Variants in MMD2 observed in about 807,000 individuals in gnomAD.
The protein encoded by MMD2 is monocyte to macrophage differentiation factor 2.
MMD2 carries 30 observed loss-of-function variants against 33.5 expected under a neutral mutation model. That is an observed-to-expected ratio of 0.90 (90% CI 0.67 to 1.22). The LOEUF is 1.22. Ranked by LOEUF, MMD2 falls within the 50% of genes most tolerant of loss-of-function variation. The pLI is 0.00. For synonymous variants in MMD2, 129 were observed against 123.0 expected (o/e 1.05, Z -0.32); for missense variants, 364 against 325.4 (o/e 1.12, Z -0.91).
chr7:4,914,485 T>G (rs112761659), intron 4 of MMD2, among the ~76,000 whole-genome samples: 2 of 152,194 alleles, frequency 1.3e-5, no homozygotes, highest in Admixed American at 1.3e-4. Context: ...ATGTAAAACC[T>G]TCAATATTTA....
At position 4,940,795 on chromosome 7, in the gene MMD2, C is replaced by G. The variant is rs1583391997; in HGVS notation, c.48-15263G>C. ...TGCATCTCGTGCCAGAGGCGCGGGACTCTGGCATGATCTGCAGGAGACAGC... is the reference window on the plus strand; with the variant it reads ...TGCATCTCGTGCCAGAGGCGCGGGAGTCTGGCATGATCTGCAGGAGACAGC... On this transcript the variant is annotated intron_variant, in intron 1 of 6. Transcript: ENST00000401401. The surrounding 1 kb of genome is among the most constrained non-coding windows in gnomAD (Gnocchi z 5.0). Among the ~76,000 whole-genome samples the G allele has an allele frequency of 6.6e-6, 1 of 152,146 alleles. No homozygotes were observed. Among genetic ancestry groups the G allele is most frequent in the East Asian group, 1.9e-4 (1 of 5,170 alleles).
Position 4,907,389 on chromosome 7 carries a change from G to C in MMD2, c.*7C>G. 6.2e-7 allele frequency: 1 copy of C among 1,613,402 alleles called. No individual in the cohort carries two copies. Among genetic ancestry groups the C allele is most frequent in the Non-Finnish European group, 8.5e-7 (1 of 1,179,850 alleles). ...AAGCCCAAACGACCTCTCAAGTCTG[G>C]GTCACCTCATTTGGACACCTTGGTC... On this transcript the variant is annotated 3_prime_UTR_variant, in exon 7 of 7. Transcript: ENST00000401401.
chr7:4,914,216 A>T lies in MMD2; in HGVS notation c.365+1789T>A, dbSNP rs554345385. On this transcript the variant is annotated intron_variant, in intron 4 of 6. Transcript: ENST00000401401. ...TCTTTCATGCGTGACCATGGTGCCT[A>T]TTGTTTTTATGTCTGCATGACAACC... Among the ~76,000 whole-genome samples, 5 of 152,164 alleles carry T rather than the reference A, an allele frequency of 3.3e-5. No homozygotes were observed. The South Asian group carries it at 1.0e-3, about 32-fold the overall frequency.
At position 4,946,208 on chromosome 7, in the gene MMD2, T is replaced by C. The variant is rs1283184906; in HGVS notation, c.47+12763A>G. On this transcript the variant is annotated intron_variant, in intron 1 of 6. Transcript: ENST00000401401. This position sits in a 1 kb window ranked among gnomAD's most constrained non-coding sequence, Gnocchi z 5.0. ...ACGCGCGCACACCCACACACACGCA[T>C]GCACACACATGCACACATACACGCA... 6.8e-6 allele frequency among the ~76,000 whole-genome samples: 1 copy of C among 147,996 alleles called. No individual in the cohort carries two copies. The highest frequency in any genetic ancestry group is 1.5e-5 in the Non-Finnish European group (1 of 66,870).
chr7:4,946,086 C>T lies in MMD2; in HGVS notation c.47+12885G>A, dbSNP rs1420091699. The stretch of plus-strand genomic sequence containing the variant: ...GCACACACTCACACGCACGCACACG[C>T]ACGCACACACACGCATGCACACGCG... On this transcript the variant is annotated intron_variant, in intron 1 of 6. Coordinates refer to ENST00000401401, the MANE Select transcript of MMD2 (RefSeq NM_198403.4). The surrounding 1 kb of genome is among the most constrained non-coding windows in gnomAD (Gnocchi z 5.0). Among the ~76,000 whole-genome samples the T allele has an allele frequency of 6.6e-6, 1 of 151,768 alleles. No homozygotes were observed. Among genetic ancestry groups the T allele is most frequent in the Non-Finnish European group, 1.5e-5 (1 of 67,924 alleles).
Position 4,937,528 on chromosome 7 carries a change from T to C in MMD2, c.48-11996A>G, listed in dbSNP as rs144381051. ...CTGTTTTGTTTTTTAGAGAAAATAA[T>C]GACAGGTTCTCGCCCTGTCATTCAC... On this transcript the variant is annotated intron_variant, in intron 1 of 6. Coordinates refer to ENST00000401401, the MANE Select transcript of MMD2 (RefSeq NM_198403.4). Among the ~76,000 whole-genome samples the C allele has an allele frequency of 2.6e-5, 4 of 152,286 alleles. No individual in the cohort carries two copies. In the East Asian group the frequency reaches 7.7e-4, roughly 29 times the overall value.
At chr7:4,952,680 C>T (rs1009884341) in intron 1 of MMD2, among the ~76,000 whole-genome samples, 1 of 139,398 alleles carries the variant, frequency 7.2e-6, no homozygotes, top group Non-Finnish European at 1.5e-5. Flanking sequence ...GTTGCGTGCT[C>T]CGTATGAGAT....
intron 1 of MMD2, among the ~76,000 whole-genome samples, chr7:4,938,008 T>C (rs1785795234): frequency 8.2e-6 from 1 of 122,002 alleles, no homozygotes; most frequent in African/African-American, 3.0e-5. Flanking sequence ...CTTTCTTTTT[T>C]TTTTTTTTTT....
intron 1 of MMD2, among the ~76,000 whole-genome samples, chr7:4,948,845 C>T (rs1786162012): frequency 6.6e-6 from 1 of 152,120 alleles, no homozygotes; most frequent in Non-Finnish European, 1.5e-5. Context: ...GGTTTATAAG[C>T]CACCTAGTCT....
chr7:4,950,983 G>T (rs886952494), intron 1 of MMD2, among the ~76,000 whole-genome samples: 12 of 152,082 alleles, frequency 7.9e-5, no homozygotes, highest in African/African-American at 2.7e-4. Context: ...AAATTGCTGG[G>T]ATTACAGGCG....
chr7:4,898,995 T>TAGGA, the MMD2 span, among the ~76,000 whole-genome samples: 1 of 151,056 alleles, frequency 6.6e-6, no homozygotes, highest in Admixed American at 6.6e-5. Context: ...GGAAGGAAGC[T>TAGGA]AGGAAGGAAG....
intron 1 of MMD2, among the ~76,000 whole-genome samples, chr7:4,944,658 A>G (rs1038868291): frequency 3.3e-5 from 5 of 151,940 alleles, no homozygotes; most frequent in Admixed American, 6.6e-5. Context: ...GCAGAGAGAC[A>G]GTCTCTCTGG....
intron 1 of MMD2, among the ~76,000 whole-genome samples, chr7:4,954,238 C>A (rs1417097279): frequency 6.6e-6 from 1 of 152,176 alleles, no homozygotes. Flanking sequence ...TGTTCTCTTC[C>A]AAGAAATCCC....
Position 4,907,465 on chromosome 7 carries a change from A to G in MMD2, c.672T>C (p.Gly224=), listed in dbSNP as rs748989098. 21 of 1,613,886 alleles carry G rather than the reference A, an allele frequency of 1.3e-5. No homozygotes were observed. The highest frequency in any genetic ancestry group is 1.7e-5 in the Non-Finnish European group (20 of 1,179,910). ...ACCTCCAGATGGCATAGTAGTGGGTACCAGCACCAAATGCTACAAAGAGAT... is the reference window on the plus strand; with the variant it reads ...ACCTCCAGATGGCATAGTAGTGGGTGCCAGCACCAAATGCTACAAAGAGAT... The part of the protein sequence containing the change: ...IWHLFVAFGA[G]THYYAIWRYL... Residue 224 remains glycine, a synonymous_variant, in exon 7 of 7, where the codon GGT becomes GGC. Transcript: ENST00000401401.
the MMD2 span, among the ~76,000 whole-genome samples, chr7:4,897,762 C>CAG: frequency 0.67 from 101,655 of 151,652 alleles, 35,183 homozygotes; most frequent in African/African-American, 0.83. Flanking sequence ...TTTTTTGAGA[C>CAG]AGTCTCACTC....
rs191180625 is a variant in MMD2, at chr7:4,908,255, C to A, written c.538-656G>T. ...CTCCTGGGTTCAACCAATTCTCCTG[C>A]CTCAGCCTCCCGAGTAGCTGGGACT... On this transcript the variant is annotated intron_variant, in intron 6 of 6. Coordinates refer to ENST00000401401, the MANE Select transcript of MMD2 (RefSeq NM_198403.4). 9.6e-4 allele frequency among the ~76,000 whole-genome samples: 145 copies of A among 151,534 alleles called. 1 individual carries two copies. In the East Asian group the frequency reaches 0.026, roughly 27 times the overall value.
rs943501291 is a variant in MMD2 at position 4,946,161 on chromosome 7, A to G, written c.47+12810T>C. Among the ~76,000 whole-genome samples the G allele has an allele frequency of 4.0e-5, 6 of 150,502 alleles. No individual in the cohort carries two copies. The highest frequency in any genetic ancestry group is 3.0e-5 in the Non-Finnish European group (2 of 67,606). Reference sequence around the variant, plus strand: ...CGCACGCACACCCACACCCGCGCGCACACCTGCACACATGCACACACACGC... The same window carrying G: ...CGCACGCACACCCACACCCGCGCGCGCACCTGCACACATGCACACACACGC... On this transcript the variant is annotated intron_variant, in intron 1 of 6. Transcript: ENST00000401401. The surrounding 1 kb of genome is among the most constrained non-coding windows in gnomAD (Gnocchi z 5.0).
At chr7:4,951,812 C>A (rs1284261424) in intron 1 of MMD2, among the ~76,000 whole-genome samples, 2 of 152,074 alleles carry the variant, frequency 1.3e-5, no homozygotes, top group African/African-American at 4.8e-5. Flanking sequence ...GTTGCCCAGA[C>A]TGGTCTGAAA....
rs763281782 is a variant in MMD2 at position 4,916,082 on chromosome 7, A to G, written c.291-3T>C. On this transcript the variant is annotated splice_polypyrimidine_tract_variant and splice_region_variant and intron_variant, in intron 3 of 6. Coordinates refer to ENST00000401401, the MANE Select transcript of MMD2 (RefSeq NM_198403.4). The stretch of plus-strand genomic sequence containing the variant: ...TGTGTAGACAGTGTTCCACCATCCT[A>G]GGGCGGCAGAGAAGCCGGCAGTCAC... 23 of 1,613,394 alleles carry G rather than the reference A, an allele frequency of 1.4e-5. No individual in the cohort carries two copies. The highest frequency in any genetic ancestry group is 1.3e-5 in the Non-Finnish European group (15 of 1,179,718).
Sources: gnomAD v4.1 joint callset for allele counts (sites outside exome capture counted in the v4.1 genomes callset) on GRCh38, gnomAD v4.1.1 for gene constraint, Gnocchi (gnomAD v3.1) non-coding constraint, MANE v1.5 for transcripts, NCBI Gene and HGNC (gene_info 2026-07-23, HGNC 2026-07-21) for gene names.